Variants in GRAMD1C observed in about 807,000 individuals in gnomAD.
GRAMD1C encodes protein Aster-C.
GRAMD1C carries 89 observed loss-of-function variants against 97.8 expected under a neutral mutation model. The observed-to-expected ratio is 0.91, with a 90% confidence interval of 0.77 to 1.09. GRAMD1C has a LOEUF of 1.09. GRAMD1C is among the 50% of genes least tolerant of loss of function. The pLI, the probability that GRAMD1C is intolerant of heterozygous loss-of-function variation, is 0.00. For missense variants in GRAMD1C, 740 were observed against 766.4 expected, an observed-to-expected ratio of 0.97 and a Z score of 0.41; for synonymous variants, 256 against 267.0, an observed-to-expected ratio of 0.96 and a Z score of 0.40.
At chr3:113,876,118 GTGTA>G in intron 4 of GRAMD1C, 43 bp from the exon 5 acceptor site, 1 of 819,930 alleles carries the variant, frequency 1.2e-6, no homozygotes, top group South Asian at 1.4e-5. Flanking sequence ...ATTTTGTATT[GTGTA>G]TGTTTCTGAA....
chr3:113,910,452 A>G (rs1439194215), intron 9 of GRAMD1C, among the ~76,000 whole-genome samples: 1 of 152,260 alleles, frequency 6.6e-6, no homozygotes, highest in African/African-American at 2.4e-5. Flanking sequence ...TAATCCTAAT[A>G]TGATGATAAA....
intron 6 of GRAMD1C, chr3:113,886,021 G>T: frequency 6.7e-7 from 1 of 1,495,230 alleles, no homozygotes. Flanking sequence ...CACCAACATC[G>T]GCTCTGGTGA....
In GRAMD1C at chr3:113,920,574, T is replaced by C. The variant is rs59640250; in HGVS notation, c.1090+4736T>C. On this transcript the variant is annotated intron_variant, in intron 10 of 17. Coordinates refer to ENST00000358160, the MANE Select transcript of GRAMD1C (RefSeq NM_017577.5). ...TTTTATTTTTGAGAGGTAGTCACAC[T>C]CTGGTTGCCCAGGCTGGAGTGCAAT... 2.3e-3 allele frequency among the ~76,000 whole-genome samples: 354 copies of C among 152,234 alleles called. 1 individual carries two copies. The highest frequency in any genetic ancestry group is 8.0e-3 in the African/African-American group (334 of 41,548).
intron 10 of GRAMD1C, among the ~76,000 whole-genome samples, chr3:113,929,169 G>T (rs9917839): frequency 0.017 from 2,576 of 152,236 alleles, 83 homozygotes; most frequent in African/African-American, 0.059. Flanking sequence ...GGGCACGAAC[G>T]TTCACCAATT....
intron 17 of GRAMD1C, among the ~76,000 whole-genome samples, chr3:113,944,384 G>A (rs1352987343): frequency 6.6e-6 from 1 of 152,154 alleles, no homozygotes; most frequent in Admixed American, 6.5e-5. Context: ...TTTTGAAGGG[G>A]ACACAAATGT....
intron 7 of GRAMD1C, among the ~76,000 whole-genome samples, chr3:113,902,105 G>A (rs1936194248): frequency 6.6e-6 from 1 of 152,196 alleles, no homozygotes. Context: ...AGTGAATTTT[G>A]TGGTGTGTGG....
chr3:113,870,502 GAT>G (rs1243192960), intron 3 of GRAMD1C, among the ~76,000 whole-genome samples: 1 of 152,080 alleles, frequency 6.6e-6, no homozygotes, highest in African/African-American at 2.4e-5. Flanking sequence ...GAAGGAATAA[GAT>G]ATAGTGTTCA....
At chr3:113,890,128 A>G (rs6438172) in intron 6 of GRAMD1C, among the ~76,000 whole-genome samples, 119,707 of 152,048 alleles carry the variant, frequency 0.79, 47,308 homozygotes, top group Middle Eastern at 0.88. Context: ...CTTTCACTTT[A>G]CTGGAGTGGG....
chr3:113,905,252 G>T (rs554047260), intron 8 of GRAMD1C, among the ~76,000 whole-genome samples: 1 of 152,326 alleles, frequency 6.6e-6, no homozygotes, highest in Middle Eastern at 3.4e-3. Context: ...CTTTTGAAAT[G>T]ACCAGTATCT....
At chr3:113,891,498 A>T (rs958787135) in intron 6 of GRAMD1C, among the ~76,000 whole-genome samples, 2 of 145,792 alleles carry the variant, frequency 1.4e-5, no homozygotes, top group Non-Finnish European at 1.5e-5. Flanking sequence ...AAAAAAAGAT[A>T]AAAAACCCTC....
chr3:113,851,885 T>C (rs546393608), intron 2 of GRAMD1C, among the ~76,000 whole-genome samples: 108 of 151,900 alleles, frequency 7.1e-4, no homozygotes, highest in Non-Finnish European at 9.6e-4. Flanking sequence ...ATTTATTTAT[T>C]TGAGGTGCAG....
intron 1 of GRAMD1C, among the ~76,000 whole-genome samples, chr3:113,829,614 G>A (rs1480703606): frequency 1.3e-5 from 2 of 152,152 alleles, no homozygotes; most frequent in Non-Finnish European, 2.9e-5. Flanking sequence ...ATAGTGCAAA[G>A]GCTTCCCATA....
intron 2 of GRAMD1C, among the ~76,000 whole-genome samples, chr3:113,848,540 C>T (rs1225105947): frequency 1.3e-5 from 2 of 150,704 alleles, no homozygotes; most frequent in African/African-American, 2.4e-5. Context: ...CATTGTGGCT[C>T]ATGCTTATAA....
chr3:113,913,418 G>A (rs1353212181), intron 9 of GRAMD1C, among the ~76,000 whole-genome samples: 2 of 105,544 alleles, frequency 1.9e-5, no homozygotes, highest in Non-Finnish European at 3.5e-5. Flanking sequence ...TCAAGAGTGA[G>A]ACTCTGTCTC....
At position 113,939,871 on chromosome 3, in the gene GRAMD1C, A is replaced by G; in HGVS notation, c.1692-15A>G. 3 of 1,369,004 alleles carry G rather than the reference A, an allele frequency of 2.2e-6. No homozygotes were observed. Among genetic ancestry groups the G allele is most frequent in the Non-Finnish European group, 3.1e-6 (3 of 957,122 alleles). 84.8% of individuals were successfully genotyped at this position (1,369,004 alleles called of 1,614,324 possible). On this transcript the variant is annotated splice_polypyrimidine_tract_variant and intron_variant, in intron 15 of 17. Coordinates refer to ENST00000358160, the MANE Select transcript of GRAMD1C (RefSeq NM_017577.5). ...CTGGAAAAGTGTGGATTAACATATAATTTGCTCTGCCTAGTGTGTTGTTAT... is the reference window on the plus strand; with the variant it reads ...CTGGAAAAGTGTGGATTAACATATAGTTTGCTCTGCCTAGTGTGTTGTTAT...
At chr3:113,926,733 G>T (rs1937240753) in intron 10 of GRAMD1C, among the ~76,000 whole-genome samples, 1 of 152,146 alleles carries the variant, frequency 6.6e-6, no homozygotes, top group South Asian at 2.1e-4. Context: ...GGTGGGTTCA[G>T]TTGACCATCT....
intron 14 of GRAMD1C, 70 bp downstream of exon 14, chr3:113,936,512 G>C (rs1333292552): frequency 3.1e-6 from 3 of 968,526 alleles, no homozygotes; most frequent in African/African-American, 3.3e-5. Context: ...TGTGCCTCTT[G>C]TTTGTAAGAA....
At chr3:113,877,755 T>C (rs1445186070) in intron 5 of GRAMD1C, among the ~76,000 whole-genome samples, 6 of 152,110 alleles carry the variant, frequency 3.9e-5, no homozygotes, top group African/African-American at 1.4e-4. Context: ...CTGTTTTCCT[T>C]TGTAGTAATA....
At chr3:113,883,620 A>C (rs1161343701) in intron 6 of GRAMD1C, among the ~76,000 whole-genome samples, 2 of 152,140 alleles carry the variant, frequency 1.3e-5, no homozygotes, top group African/African-American at 2.4e-5. Context: ...GATTGAAAGT[A>C]AAAGGAAGAA....
Sources: gnomAD v4.1 joint callset for allele counts (sites outside exome capture counted in the v4.1 genomes callset) on GRCh38, gnomAD v4.1.1 for gene constraint, MANE v1.5 for transcripts, NCBI Gene and HGNC (gene_info 2026-07-23, HGNC 2026-07-21) for gene names.